AFAP1L2: variants seen among roughly 807,000 people sequenced by gnomAD.
AFAP1L2 encodes the protein actin filament-associated protein 1-like 2.
A neutral mutation model predicts 99.3 loss-of-function variants in AFAP1L2; 46 were observed. The ratio of observed to expected loss-of-function variants is 0.46; its 90% CI spans 0.37 to 0.59. The LOEUF (loss-of-function observed/expected upper bound fraction) is 0.59. Among genes scored for constraint, AFAP1L2 ranks in the 20% least tolerant of loss-of-function variants. The pLI, the probability that AFAP1L2 is intolerant of heterozygous loss-of-function variation, is 0.00. For synonymous variants in AFAP1L2, 397 were observed against 419.1 expected (o/e 0.95, Z 0.64); for missense variants, 959 against 1,034.9 (o/e 0.93, Z 1.01).
chr10:114,287,578 G>A, the AFAP1L2 span, among the ~76,000 whole-genome samples: 6 of 152,182 alleles, frequency 3.9e-5, no homozygotes, highest in Non-Finnish European at 8.8e-5. Context: ...TCCCCAAGGC[G>A]AGAGGCTTTC....
intron 10 of AFAP1L2, 94 bp downstream of exon 10, chr10:114,307,711 T>C: frequency 9.3e-7 from 1 of 1,073,184 alleles, no homozygotes; most frequent in Non-Finnish European, 1.4e-6. Flanking sequence ...ACGGAAGACC[T>C]AAAACCCCCT....
chr10:114,306,204 GCTA>G (rs2042350467), intron 10 of AFAP1L2, among the ~76,000 whole-genome samples: 1 of 131,722 alleles, frequency 7.6e-6, no homozygotes, highest in Non-Finnish European at 1.6e-5. Flanking sequence ...AGGGGATGGG[GCTA>G]CAGGAGGAGA....
Position 114,295,655 on chromosome 10 carries a change from A to G in AFAP1L2, c.*387T>C. ...GTTTAGGTCTTCTCACTCACCAAAG[A>G]CACGTGACCCATAAGACAGGGCCCT... is the stretch of plus-strand genomic sequence containing the variant. On this transcript the variant is annotated 3_prime_UTR_variant, in exon 19 of 19. Coordinates refer to ENST00000304129, the MANE Select transcript of AFAP1L2 (RefSeq NM_001001936.3). 2 of 1,011,820 alleles carry G rather than the reference A, an allele frequency of 2.0e-6. No individual in the cohort carries two copies. The highest frequency in any genetic ancestry group is 2.4e-6 in the Non-Finnish European group (2 of 846,752). 62.7% of individuals were successfully genotyped at this position (1,011,820 alleles called of 1,614,324 possible). A position where few individuals can be genotyped will look rare whatever the true frequency, so the allele number is the denominator to read the frequency against.
intron 1 of AFAP1L2, among the ~76,000 whole-genome samples, chr10:114,391,904 AG>A (rs1183009960): frequency 1.3e-5 from 2 of 152,202 alleles, no homozygotes; most frequent in Non-Finnish European, 2.9e-5. Context: ...CCAGGTACAG[AG>A]GGGCTCAGGC....
In AFAP1L2 at chr10:114,313,883, C is replaced by T; in HGVS notation, c.780G>A (p.Glu260=). The change falls in exon 7 of 19, where the codon GAG becomes GAA. Residue 260 remains glutamate, a synonymous_variant. Coordinates refer to ENST00000304129, the MANE Select transcript of AFAP1L2 (RefSeq NM_001001936.3). The part of the protein sequence containing the change: ...VLGLQSKDQA[E]QWLRVIQEVS... ...GTGTCGCCCTCACCCTGAGCCACTG[C>T]TCAGCCTGGTCCTTGCTCTGCAGGC... 6.2e-7 allele frequency: 1 copy of T among 1,609,958 alleles called. No individual in the cohort carries two copies. The highest frequency in any genetic ancestry group is 8.5e-7 in the Non-Finnish European group (1 of 1,177,664).
At chr10:114,366,803 T>G (rs2053326696) in intron 1 of AFAP1L2, among the ~76,000 whole-genome samples, 1 of 152,116 alleles carries the variant, frequency 6.6e-6, no homozygotes, top group South Asian at 2.1e-4. Context: ...CTGTCTCTAC[T>G]AAAAATACAA....
At chr10:114,389,636 C>T (rs1169072698) in intron 1 of AFAP1L2, among the ~76,000 whole-genome samples, 1 of 152,206 alleles carries the variant, frequency 6.6e-6, no homozygotes, top group Non-Finnish European at 1.5e-5. Context: ...AAAAAATACA[C>T]AGCTATGAAA....
At chr10:114,384,436 T>C (rs2056227670) in intron 1 of AFAP1L2, among the ~76,000 whole-genome samples, 1 of 152,132 alleles carries the variant, frequency 6.6e-6, no homozygotes, top group African/African-American at 2.4e-5. Flanking sequence ...TTAGGGCCGC[T>C]GTGAGCGTAG....
At chr10:114,399,815 C>T (rs138329961) in intron 1 of AFAP1L2, among the ~76,000 whole-genome samples, 1 of 152,288 alleles carries the variant, frequency 6.6e-6, no homozygotes, top group East Asian at 1.9e-4. Context: ...GGGCTACCCA[C>T]CCACATTCCC....
At chr10:114,403,018 G>A (rs530367597) in intron 1 of AFAP1L2, among the ~76,000 whole-genome samples, 1 of 152,356 alleles carries the variant, frequency 6.6e-6, no homozygotes, top group Non-Finnish European at 1.5e-5. Flanking sequence ...GTTACAAGGA[G>A]CAGGACTGTG....
At chr10:114,314,855 A>T (rs2043858262) in intron 6 of AFAP1L2, among the ~76,000 whole-genome samples, 1 of 152,216 alleles carries the variant, frequency 6.6e-6, no homozygotes, top group Non-Finnish European at 1.5e-5. Context: ...TAAAAACAGT[A>T]GCCAGGGCTG....
downstream of AFAP1L2, among the ~76,000 whole-genome samples, chr10:114,291,036 T>G (rs1162195084): frequency 1.3e-5 from 2 of 152,054 alleles, no homozygotes; most frequent in East Asian, 3.9e-4. Context: ...AGAGGTTGGC[T>G]TCCTAAGGCC....
intron 11 of AFAP1L2, among the ~76,000 whole-genome samples, chr10:114,302,803 G>T (rs1322097639): frequency 6.6e-6 from 1 of 152,168 alleles, no homozygotes; most frequent in Non-Finnish European, 1.5e-5. Context: ...ATTAAAAACT[G>T]TTAGTGACCA....
In AFAP1L2 at chr10:114,304,848, G is replaced by T. The variant is rs756449486; in HGVS notation, c.1155C>A (p.Asp385Glu). The change falls in exon 11 of 19, where the codon GAC becomes GAA. Residue 385 changes from aspartate to glutamate, a missense_variant. Asp to Glu is a conservative substitution (Grantham distance 45). Around this residue, in one of 2 missense-constraint regions of AFAP1L2, gnomAD observed 576 missense variants for 562.1 expected, o/e 1.02. Coordinates refer to ENST00000304129, the MANE Select transcript of AFAP1L2 (RefSeq NM_001001936.3). The part of the protein sequence containing the change: ...VRDNHLHFYQ[D>E]RNRSKVAQQP... ...GCTGGGCCACCTTGCTCCGGTTCCG[G>T]TCCTGGTAGAAGTGCAGGTGATTGT... is the stretch of plus-strand genomic sequence containing the variant. The T allele has an allele frequency of 1.2e-6, 2 of 1,613,414 alleles. No homozygotes were observed. The highest frequency in any genetic ancestry group is 4.5e-5 in the East Asian group (2 of 44,886).
chr10:114,357,541 G>A (rs11818983), intron 1 of AFAP1L2, among the ~76,000 whole-genome samples: 14,813 of 152,158 alleles, frequency 0.097, 1,875 homozygotes, highest in African/African-American at 0.29. Context: ...AATATTCCAT[G>A]TTGGATATGC....
chr10:114,284,449 T>C, the AFAP1L2 span, among the ~76,000 whole-genome samples: 2 of 152,136 alleles, frequency 1.3e-5, no homozygotes, highest in African/African-American at 4.8e-5. Flanking sequence ...GACTGCAGGA[T>C]CCGAAGGCTG....
chr10:114,301,235 G>C, intron 13 of AFAP1L2, 119 bp downstream of exon 13: 2 of 777,166 alleles, frequency 2.6e-6, no homozygotes, highest in South Asian at 3.3e-5. Context: ...CCTGGTAGGT[G>C]ACTCAGAACC....
At chr10:114,301,172 C>T (rs1353252894) in intron 13 of AFAP1L2, among the ~76,000 whole-genome samples, 182 bp downstream of exon 13, 1 of 152,236 alleles carries the variant, frequency 6.6e-6, no homozygotes, top group East Asian at 1.9e-4. Context: ...GCAAACTGCA[C>T]AGCCTCACAT....
chr10:114,307,662 A>G (rs1313321349), intron 10 of AFAP1L2, 143 bp downstream of exon 10: 1 of 666,452 alleles, frequency 1.5e-6, no homozygotes, highest in Non-Finnish European at 2.6e-6. Flanking sequence ...AACAGACGGG[A>G]ACCTGAGGGC....
Sources: gnomAD v4.1 joint callset for allele counts (sites outside exome capture counted in the v4.1 genomes callset) on GRCh38, gnomAD v4.1.1 for gene constraint, gnomAD v4.1.1 regional missense constraint, MANE v1.5 for transcripts, NCBI Gene and HGNC (gene_info 2026-07-23, HGNC 2026-07-21) for gene names.